The following SLC25A21 variants were observed in gnomAD, a reference collection of about 807,000 sequenced individuals.
SLC25A21 encodes the protein mitochondrial 2-oxodicarboxylate carrier.
Under a neutral mutation model 43.8 loss-of-function variants are expected in SLC25A21, and 47 were observed. The observed-to-expected ratio is 1.07, with a 90% CI of 0.85 to 1.37. The LOEUF is 1.37. SLC25A21 is among the 40% of genes most tolerant of loss of function. The pLI, the probability that SLC25A21 is intolerant of heterozygous loss-of-function variation, is 0.00. For synonymous variants in SLC25A21, 131 were observed against 121.3 expected (o/e 1.08, Z -0.52); for missense variants, 352 against 350.2 (o/e 1.00, Z -0.04).
chr14:36,938,452 A>C (rs79646199), intron 1 of SLC25A21, among the ~76,000 whole-genome samples: 2 of 152,144 alleles, frequency 1.3e-5, no homozygotes, highest in East Asian at 3.9e-4. Context: ...CAGTCTCTGG[A>C]CAGCCTTAGC....
At chr14:36,910,655 T>C (rs577291368) in intron 1 of SLC25A21, among the ~76,000 whole-genome samples, 77 of 152,340 alleles carry the variant, frequency 5.1e-4, no homozygotes, top group African/African-American at 1.7e-3. Context: ...GTTTTGATCA[T>C]ATGAGGTATC....
intron 1 of SLC25A21, among the ~76,000 whole-genome samples, chr14:37,133,989 A>G (rs4906593): frequency 0.78 from 119,174 of 152,084 alleles, 51,053 homozygotes; most frequent in South Asian, 0.98. Flanking sequence ...GTAACTGGCA[A>G]CTGGAAAAAA....
At chr14:37,028,540 A>G (rs2138764344) in intron 1 of SLC25A21, among the ~76,000 whole-genome samples, 1 of 152,324 alleles carries the variant, frequency 6.6e-6, no homozygotes, top group South Asian at 2.1e-4. Flanking sequence ...TAAAAATATT[A>G]TCTGATGCAA....
At chr14:37,102,336 A>G (rs1490297426) in intron 1 of SLC25A21, among the ~76,000 whole-genome samples, 1 of 151,894 alleles carries the variant, frequency 6.6e-6, no homozygotes, top group Non-Finnish European at 1.5e-5. Flanking sequence ...CCAGCTACTC[A>G]GGAGGCTGAG....
chr14:36,854,002 T>G (rs1197319660), intron 2 of SLC25A21, among the ~76,000 whole-genome samples: 2 of 152,198 alleles, frequency 1.3e-5, no homozygotes, highest in Non-Finnish European at 2.9e-5. Context: ...TGACAACTAG[T>G]AGATCCATGT....
At chr14:36,990,447 A>G (rs1253355175) in intron 1 of SLC25A21, among the ~76,000 whole-genome samples, 1 of 152,230 alleles carries the variant, frequency 6.6e-6, no homozygotes, top group Non-Finnish European at 1.5e-5. Flanking sequence ...TTAACCCACC[A>G]TGACTGCTTT....
intron 1 of SLC25A21, among the ~76,000 whole-genome samples, chr14:37,084,231 C>T (rs150147585): frequency 3.9e-5 from 6 of 152,288 alleles, no homozygotes; most frequent in East Asian, 3.9e-4. Context: ...GGCCTTCTCT[C>T]GGTTCCTTAA....
chr14:37,115,476 A>AAG (rs1166605645), intron 1 of SLC25A21, among the ~76,000 whole-genome samples: 1 of 152,218 alleles, frequency 6.6e-6, no homozygotes, highest in Non-Finnish European at 1.5e-5. Flanking sequence ...GAGAGGAAAA[A>AAG]AGAGAAAACT....
intron 1 of SLC25A21, among the ~76,000 whole-genome samples, chr14:37,059,292 C>T (rs530985771): frequency 6.6e-6 from 1 of 152,248 alleles, no homozygotes; most frequent in Non-Finnish European, 1.5e-5. Flanking sequence ...GATGAAGCAA[C>T]AATCATAAAG....
chr14:37,150,608 A>G lies in SLC25A21; in HGVS notation c.70+21673T>C, dbSNP rs188598609. The stretch of plus-strand genomic sequence containing the variant: ...AGTTAACACACTTCTAGATCTAACT[A>G]TATCTGCAGAAAGCTTTTCCTTTTA... On this transcript the variant is annotated intron_variant, in intron 1 of 9. Coordinates refer to ENST00000331299, the MANE Select transcript of SLC25A21 (RefSeq NM_030631.4). Among the ~76,000 whole-genome samples the G allele has an allele frequency of 4.6e-3, 701 of 152,360 alleles. 4 individuals carry two copies. Among genetic ancestry groups the G allele is most frequent in the Non-Finnish European group, 7.5e-3 (508 of 68,030 alleles).
In SLC25A21 at chr14:36,883,834, A is replaced by AT. The variant is rs1890832626; in HGVS notation, c.71-8831dup. On this transcript the variant is annotated intron_variant, in intron 1 of 9. Transcript: ENST00000331299. ...ACTTATTTTTTTAAAAAATTATTTT[A>AT]TTTTTTAATGACAAATAATAATTTT... Among the ~76,000 whole-genome samples the AT allele has an allele frequency of 2.6e-5, 4 of 152,192 alleles. No individual in the cohort carries two copies. The South Asian group carries it at 8.3e-4, about 32-fold the overall frequency.
At chr14:36,747,695 A>G (rs1001071443) in intron 3 of SLC25A21, among the ~76,000 whole-genome samples, 2 of 152,208 alleles carry the variant, frequency 1.3e-5, no homozygotes, top group Admixed American at 1.3e-4. Flanking sequence ...AGTATAATTC[A>G]CATTTGGAAG....
chr14:36,891,335 A>C (rs1433429351), intron 1 of SLC25A21, among the ~76,000 whole-genome samples: 1 of 152,138 alleles, frequency 6.6e-6, no homozygotes, highest in Non-Finnish European at 1.5e-5. Context: ...ACATTTATCT[A>C]TTTTCCAGAT....
chr14:37,020,477 G>A (rs1002101467), intron 1 of SLC25A21, among the ~76,000 whole-genome samples: 3 of 149,928 alleles, frequency 2.0e-5, no homozygotes, highest in Non-Finnish European at 3.0e-5. Context: ...GAGTTTAGAT[G>A]TGACCTGATT....
At chr14:37,055,609 A>G (rs1343796257) in intron 1 of SLC25A21, among the ~76,000 whole-genome samples, 1 of 152,070 alleles carries the variant, frequency 6.6e-6, no homozygotes, top group African/African-American at 2.4e-5. Context: ...CACCTACCCC[A>G]AGGTGTCTAT....
At chr14:36,710,058 T>TA (rs1351245361) in intron 7 of SLC25A21, among the ~76,000 whole-genome samples, 3 of 152,258 alleles carry the variant, frequency 2.0e-5, no homozygotes, top group South Asian at 2.1e-4. Context: ...AAGTTACCAT[T>TA]AAAAAACGTT....
At chr14:37,155,791 G>C (rs1337149504) in intron 1 of SLC25A21, among the ~76,000 whole-genome samples, 1 of 152,156 alleles carries the variant, frequency 6.6e-6, no homozygotes, top group Non-Finnish European at 1.5e-5. Context: ...ATTACCATTA[G>C]ATTGGACCTA....
chr14:36,929,738 G>A (rs988697582), intron 1 of SLC25A21, among the ~76,000 whole-genome samples: 11 of 152,092 alleles, frequency 7.2e-5, no homozygotes, highest in African/African-American at 2.2e-4. Context: ...GGCAAAAGGT[G>A]GTACTATAGC....
intron 2 of SLC25A21, among the ~76,000 whole-genome samples, chr14:36,842,361 T>C (rs1038333091): frequency 5.3e-5 from 8 of 152,154 alleles, no homozygotes; most frequent in Admixed American, 1.3e-4. Flanking sequence ...GAGATGACTT[T>C]AGAGGGGCTG....
Sources: allele counts gnomAD v4.1 joint callset (sites outside exome capture counted in the v4.1 genomes callset), GRCh38; gene constraint gnomAD v4.1.1; transcripts MANE v1.5; gene names NCBI Gene and HGNC (gene_info 2026-07-23, HGNC 2026-07-21).